FAM227B: variants seen among roughly 807,000 people sequenced by gnomAD.
FAM227B encodes the protein protein FAM227B.
FAM227B carries 88 observed loss-of-function variants against 73.8 expected under a neutral mutation model. The observed-to-expected ratio is 1.19, with a 90% CI of 1.00 to 1.42. The LOEUF (loss-of-function observed/expected upper bound fraction) is 1.42, where lower values mean the gene tolerates loss of function less well. FAM227B is among the 40% of genes most tolerant of loss of function. The pLI, the probability that FAM227B is intolerant of heterozygous loss-of-function variation, is 0.00. For synonymous variants in FAM227B, 210 were observed against 190.5 expected, an observed-to-expected ratio of 1.10 and a Z score of -0.84; for missense variants, 632 against 590.9, an observed-to-expected ratio of 1.07 and a Z score of -0.72.
intron 11 of FAM227B, among the ~76,000 whole-genome samples, chr15:49,395,777 CTCA>C (rs2151594983): frequency 6.6e-6 from 1 of 152,248 alleles, no homozygotes; most frequent in African/African-American, 2.4e-5. Context: ...GGTTGGTCTT[CTCA>C]TCAAGACATA....
At chr15:49,382,499 T>G (rs1223595747) in intron 11 of FAM227B, among the ~76,000 whole-genome samples, 1 of 152,112 alleles carries the variant, frequency 6.6e-6, no homozygotes, top group Non-Finnish European at 1.5e-5. Context: ...TTTTTTCTTA[T>G]TCTCCCCATA....
At chr15:49,443,556 T>C (rs2051881768) in intron 11 of FAM227B, among the ~76,000 whole-genome samples, 1 of 151,760 alleles carries the variant, frequency 6.6e-6, no homozygotes. Flanking sequence ...TCTATAACTG[T>C]TTCATTGTGA....
At chr15:49,559,391 T>C (rs2074048199) in intron 9 of FAM227B, among the ~76,000 whole-genome samples, 1 of 152,042 alleles carries the variant, frequency 6.6e-6, no homozygotes, top group Non-Finnish European at 1.5e-5. Context: ...TGTCCAGTCC[T>C]TCACTTGAAA....
chr15:49,378,526 C>T (rs1412263593), intron 11 of FAM227B, among the ~76,000 whole-genome samples: 2 of 151,850 alleles, frequency 1.3e-5, no homozygotes, highest in Non-Finnish European at 2.9e-5. Context: ...AGTTCCTTCA[C>T]TTCTTTGATA....
chr15:49,496,845 A>C (rs1317660224), intron 11 of FAM227B, among the ~76,000 whole-genome samples: 1 of 152,164 alleles, frequency 6.6e-6, no homozygotes, highest in Non-Finnish European at 1.5e-5. Flanking sequence ...GCATATGTAC[A>C]TATACTAATG....
At chr15:49,408,123 C>G (rs537359086) in intron 11 of FAM227B, among the ~76,000 whole-genome samples, 11 of 152,262 alleles carry the variant, frequency 7.2e-5, no homozygotes, top group Admixed American at 2.6e-4. Flanking sequence ...CAGGGAGGGT[C>G]TAAAGTTGGG....
intron 8 of FAM227B, among the ~76,000 whole-genome samples, chr15:49,569,871 G>A (rs758208552): frequency 6.6e-6 from 1 of 151,942 alleles, no homozygotes; most frequent in Non-Finnish European, 1.5e-5. Flanking sequence ...GAGATCATGT[G>A]ATGTTTGTCT....
chr15:49,515,898 G>C (rs2152134712), intron 10 of FAM227B, among the ~76,000 whole-genome samples: 1 of 152,202 alleles, frequency 6.6e-6, no homozygotes, highest in Middle Eastern at 3.4e-3. Context: ...GTGGCAATGG[G>C]ATATCCTCCG....
chr15:49,532,464 A>G (rs2060681203), intron 10 of FAM227B, among the ~76,000 whole-genome samples: 1 of 151,180 alleles, frequency 6.6e-6, no homozygotes, highest in Non-Finnish European at 1.5e-5. Context: ...AGTAATGACA[A>G]TACAAGCAAA....
At chr15:49,430,998 T>A (rs1473090621) in intron 11 of FAM227B, among the ~76,000 whole-genome samples, 1 of 151,840 alleles carries the variant, frequency 6.6e-6, no homozygotes, top group Non-Finnish European at 1.5e-5. Flanking sequence ...TTTCTAAGGA[T>A]CATAGCTTTC....
chr15:49,468,896 A>T (rs1280194590), intron 11 of FAM227B, among the ~76,000 whole-genome samples: 1 of 152,166 alleles, frequency 6.6e-6, no homozygotes, highest in Non-Finnish European at 1.5e-5. Flanking sequence ...CAGTGCTCAT[A>T]ATTTGGGCTT....
intron 11 of FAM227B, among the ~76,000 whole-genome samples, chr15:49,491,489 C>T (rs1420385577): frequency 6.6e-6 from 1 of 151,822 alleles, no homozygotes; most frequent in Non-Finnish European, 1.5e-5. Flanking sequence ...TCATGATTTA[C>T]ACAAGTTGCA....
chr15:49,438,807 T>C (rs1001186851), intron 11 of FAM227B, among the ~76,000 whole-genome samples: 25 of 150,630 alleles, frequency 1.7e-4, no homozygotes, highest in African/African-American at 4.9e-4. Context: ...TTACAGTTGT[T>C]AAATGTTACC....
chr15:49,358,881 A>G (rs908826541), intron 13 of FAM227B, among the ~76,000 whole-genome samples: 18 of 149,872 alleles, frequency 1.2e-4, no homozygotes, highest in Non-Finnish European at 1.9e-4. Context: ...TACTGGTACC[A>G]AAACAGAGAT....
At chr15:49,338,007 T>C (rs2040055257) in intron 13 of FAM227B, among the ~76,000 whole-genome samples, 1 of 152,220 alleles carries the variant, frequency 6.6e-6, no homozygotes, top group African/African-American at 2.4e-5. Flanking sequence ...TATAATCCTT[T>C]GTGTATATAC....
chr15:49,503,573 T>G (rs1023669630), intron 11 of FAM227B, among the ~76,000 whole-genome samples: 2 of 151,752 alleles, frequency 1.3e-5, no homozygotes, highest in African/African-American at 4.8e-5. Context: ...TCAAACAAAT[T>G]TACAAGAAAA....
chr15:49,536,006 C>G (rs1254284055), intron 10 of FAM227B, among the ~76,000 whole-genome samples: 1 of 139,714 alleles, frequency 7.2e-6, no homozygotes, highest in Non-Finnish European at 1.5e-5. Context: ...CAGTACAAGA[C>G]AAGGATACTC....
intron 10 of FAM227B, among the ~76,000 whole-genome samples, chr15:49,535,012 T>C (rs1176163039): frequency 4.0e-5 from 6 of 151,522 alleles, no homozygotes; most frequent in African/African-American, 1.4e-4. Context: ...TAACCTAACA[T>C]TATGCCTTAA....
intron 14 of FAM227B, among the ~76,000 whole-genome samples, chr15:49,334,651 G>A (rs1008689180): frequency 1.3e-5 from 2 of 152,136 alleles, no homozygotes; most frequent in African/African-American, 2.4e-5. Context: ...GACGGGAATG[G>A]GGACCCTTGG....
Sources: gnomAD v4.1 joint callset for allele counts (sites outside exome capture counted in the v4.1 genomes callset) on GRCh38, gnomAD v4.1.1 for gene constraint, MANE v1.5 for transcripts, NCBI Gene and HGNC (gene_info 2026-07-23, HGNC 2026-07-21) for gene names.